IGSF5: variants seen among roughly 807,000 people sequenced by gnomAD.
IGSF5 encodes immunoglobulin superfamily member 5, also known as immunoglobulin superfamily 5 like.
Under a neutral mutation model 39.4 loss-of-function variants are expected in IGSF5, and 41 were observed. The observed-to-expected ratio is 1.04, with a 90% CI of 0.81 to 1.35. IGSF5 has a LOEUF of 1.35. IGSF5 is among the 40% of genes most tolerant of loss of function. The pLI, the probability that IGSF5 is intolerant of heterozygous loss-of-function variation, is 0.00. For synonymous variants in IGSF5, 183 were observed against 175.3 expected (o/e 1.04, Z -0.34); for missense variants, 487 against 494.6 (o/e 0.98, Z 0.15).
chr21:39,744,296 C>T (rs2079961564), upstream of IGSF5, among the ~76,000 whole-genome samples: 2 of 152,272 alleles, frequency 1.3e-5, no homozygotes, highest in South Asian at 4.2e-4. Context: ...AACCCAGCTG[C>T]CCCATCAAGA....
chr21:39,792,026 G>C lies in IGSF5; in HGVS notation c.975G>C (p.Lys325Asn), dbSNP rs143049943. 1.9e-5 allele frequency: 30 copies of C among 1,608,318 alleles called. 1 individual carries two copies. In the African/African-American group the frequency reaches 3.7e-4, roughly 20 times the overall value. The change falls in exon 7 of 9, where the codon AAG becomes AAC. Residue 325 changes from lysine to asparagine, a missense_variant. Coordinates refer to ENST00000380588, the MANE Select transcript of IGSF5 (RefSeq NM_001080444.2). ...ATTGTAGGAAATCTGAAAAAGAGAA[G>C]ACAAACAAAGAAACTGAGACAGAAA... The part of the protein sequence containing the change: ...IQFQKKSEKE[K>N]TNKETETESG...
At chr21:39,715,182 A>G in the IGSF5 span, among the ~76,000 whole-genome samples, 1 of 151,802 alleles carries the variant, frequency 6.6e-6, no homozygotes, top group Non-Finnish European at 1.5e-5. Flanking sequence ...CAGTGGCGTC[A>G]TCTCAGCTAA....
rs764698988 is a variant in IGSF5 at position 39,779,287 on chromosome 21, T to C, written c.916T>C (p.Cys306Arg). The C allele has an allele frequency of 1.9e-5, 31 of 1,613,120 alleles. No individual in the cohort carries two copies. The highest frequency in any genetic ancestry group is 4.0e-5 in the African/African-American group (3 of 74,920). Residue 306 changes from cysteine (C) to arginine (R), a missense_variant, in exon 5 of 9, where the codon TGC becomes CGC. Cys to Arg is a radical substitution (Grantham distance 180). Coordinates refer to ENST00000380588, the MANE Select transcript of IGSF5 (RefSeq NM_001080444.2). ...CAACTGCTGCTGCCGTTGTTGTTTCTGCTGTAGAAGAAAAAGAGGTAATTT... is the reference window on the plus strand; with the variant it reads ...CAACTGCTGCTGCCGTTGTTGTTTCCGCTGTAGAAGAAAAAGAGGTAATTT... The part of the protein sequence containing the change: ...GCNCCCRCCF[C>R]CRRKRGFRIQ...
chr21:39,713,573 C>T, the IGSF5 span, among the ~76,000 whole-genome samples: 1 of 152,188 alleles, frequency 6.6e-6, no homozygotes, highest in Non-Finnish European at 1.5e-5. Context: ...ACAGCAGGGA[C>T]ACTTGCACCT....
intron 8 of IGSF5, among the ~76,000 whole-genome samples, chr21:39,799,370 C>T (rs1249748501): frequency 6.6e-6 from 1 of 152,200 alleles, no homozygotes; most frequent in Non-Finnish European, 1.5e-5. Context: ...CAGCCCTGTG[C>T]CAGGAACACA....
chr21:39,751,713 A>T (rs1302434931), intron 2 of IGSF5, among the ~76,000 whole-genome samples: 1 of 152,152 alleles, frequency 6.6e-6, no homozygotes, highest in Non-Finnish European at 1.5e-5. Flanking sequence ...TGTTACATGG[A>T]GATATTGTGC....
chr21:39,784,653 A>G (rs4337554), intron 5 of IGSF5, among the ~76,000 whole-genome samples: 41,984 of 150,822 alleles, frequency 0.28, 7,291 homozygotes, highest in East Asian at 0.46. Context: ...TAAGGCTACA[A>G]ACAGGTCTGC....
At chr21:39,778,361 A>G (rs1219549496) in intron 4 of IGSF5, among the ~76,000 whole-genome samples, 1 of 152,192 alleles carries the variant, frequency 6.6e-6, no homozygotes, top group Non-Finnish European at 1.5e-5. Context: ...CATGGTGGAA[A>G]AGAATCAAAA....
At chr21:39,734,439 T>TAC in the IGSF5 span, among the ~76,000 whole-genome samples, 25,847 of 119,762 alleles carry the variant, frequency 0.22, 2,959 homozygotes, top group Non-Finnish European at 0.26. Flanking sequence ...AAAAAAAAAA[T>TAC]ACACACACAC....
chr21:39,787,588 A>C (rs1368017189), intron 5 of IGSF5, among the ~76,000 whole-genome samples: 1 of 141,696 alleles, frequency 7.1e-6, no homozygotes. Context: ...GTGGGGGCAC[A>C]ACTGTATCAA....
intron 2 of IGSF5, among the ~76,000 whole-genome samples, chr21:39,748,458 G>A (rs377017517): frequency 1.4e-4 from 22 of 151,910 alleles, no homozygotes; most frequent in African/African-American, 5.3e-4. Context: ...CTACAGGCAC[G>A]TGCCATCACA....
intron 5 of IGSF5, among the ~76,000 whole-genome samples, chr21:39,781,938 A>C (rs2080172828): frequency 6.6e-6 from 1 of 152,026 alleles, no homozygotes; most frequent in African/African-American, 2.4e-5. Flanking sequence ...CCTTATATGG[A>C]AGTTTTTTTC....
At chr21:39,769,530 A>C (rs2080103900) in intron 3 of IGSF5, among the ~76,000 whole-genome samples, 1 of 151,754 alleles carries the variant, frequency 6.6e-6, no homozygotes, top group South Asian at 2.1e-4. Context: ...AAGAATATCC[A>C]CAATTATCTG....
chr21:39,757,525 C>A (rs1183627108), intron 2 of IGSF5, among the ~76,000 whole-genome samples: 3 of 151,782 alleles, frequency 2.0e-5, no homozygotes, highest in Non-Finnish European at 4.4e-5. Context: ...ATTCTGGGCC[C>A]ACACCAGGGG....
At chr21:39,748,417 TCTC>T (rs2079987009) in intron 2 of IGSF5, among the ~76,000 whole-genome samples, 1 of 137,872 alleles carries the variant, frequency 7.3e-6, no homozygotes, top group African/African-American at 2.6e-5. Flanking sequence ...TTCAAACAAT[TCTC>T]CTGCCTCAGC....
At chr21:39,794,057 G>T (rs1263481278) in intron 8 of IGSF5, among the ~76,000 whole-genome samples, 1 of 152,196 alleles carries the variant, frequency 6.6e-6, no homozygotes, top group South Asian at 2.1e-4. Context: ...GGATGCACTG[G>T]GTTTGAGGAT....
intron 3 of IGSF5, among the ~76,000 whole-genome samples, chr21:39,767,800 G>T (rs1259746584): frequency 2.0e-5 from 3 of 152,292 alleles, no homozygotes; most frequent in Admixed American, 2.0e-4. Context: ...GGTTCCAGTC[G>T]GGAGGGGAGC....
intron 5 of IGSF5, 78 bp downstream of exon 5, chr21:39,779,383 G>T: frequency 6.5e-7 from 1 of 1,532,312 alleles, no homozygotes; most frequent in East Asian, 2.3e-5. Flanking sequence ...GAACTCATCA[G>T]CTCTTTCAAA....
chr21:39,718,574 A>C, the IGSF5 span, among the ~76,000 whole-genome samples: 2 of 152,188 alleles, frequency 1.3e-5, no homozygotes, highest in African/African-American at 4.8e-5. Context: ...GTTGAATTTT[A>C]TCAAAAGCCT....
Sources: allele counts gnomAD v4.1 joint callset (sites outside exome capture counted in the v4.1 genomes callset), GRCh38; gene constraint gnomAD v4.1.1; transcripts MANE v1.5; gene names NCBI Gene and HGNC (gene_info 2026-07-23, HGNC 2026-07-21).